The following SLC24A3 variants were observed in gnomAD, a reference collection of about 807,000 sequenced individuals.
The protein encoded by SLC24A3 is sodium/potassium/calcium exchanger 3.
SLC24A3 carries 28 observed loss-of-function variants against 75.8 expected under a neutral mutation model. That is an observed-to-expected ratio of 0.37 (90% CI 0.27 to 0.51). The LOEUF is 0.51. SLC24A3 is among the 20% of genes least tolerant of loss of function. The pLI, the probability that SLC24A3 is intolerant of heterozygous loss-of-function variation, is 0.94. For synonymous variants in SLC24A3, 372 were observed against 334.1 expected (o/e 1.11, Z -1.24); for missense variants, 663 against 847.8 (o/e 0.78, Z 2.71).
intron 2 of SLC24A3, among the ~76,000 whole-genome samples, chr20:19,314,146 G>A (rs1984524443): frequency 6.6e-6 from 1 of 152,096 alleles, no homozygotes; most frequent in African/African-American, 2.4e-5. Flanking sequence ...AACTTTGTCT[G>A]TGGTTTTGCT....
intron 1 of SLC24A3, among the ~76,000 whole-genome samples, chr20:19,254,352 G>C (rs890155601): frequency 6.6e-6 from 1 of 152,132 alleles, no homozygotes; most frequent in Non-Finnish European, 1.5e-5. Context: ...CTGTGGGGAC[G>C]CGGCCTCCCC....
chr20:19,309,040 G>A (rs1287368851), intron 2 of SLC24A3, among the ~76,000 whole-genome samples: 2 of 152,164 alleles, frequency 1.3e-5, no homozygotes, highest in Non-Finnish European at 2.9e-5. Flanking sequence ...GAGGACATAT[G>A]TTATTTTACC....
intron 1 of SLC24A3, among the ~76,000 whole-genome samples, chr20:19,248,896 G>A (rs1982571731): frequency 6.6e-6 from 1 of 150,544 alleles, no homozygotes; most frequent in African/African-American, 2.5e-5. Flanking sequence ...GGCACAGAAA[G>A]ACAAATACCG....
At chr20:19,283,206 A>G (rs974681771) in intron 2 of SLC24A3, 1 of 152,656 alleles carries the variant, frequency 6.6e-6, no homozygotes, top group African/African-American at 2.4e-5. Flanking sequence ...CACAAGGAAG[A>G]TGATCATGCC....
In SLC24A3 at chr20:19,576,943, G is replaced by A. The variant is rs112257728; in HGVS notation, c.349-3057G>A. Among the ~76,000 whole-genome samples the A allele has an allele frequency of 8.3e-4, 126 of 152,260 alleles. 1 individual carries two copies. The highest frequency in any genetic ancestry group is 2.8e-3 in the African/African-American group (118 of 41,550). On this transcript the variant is annotated intron_variant, in intron 3 of 16. Coordinates refer to ENST00000328041, the MANE Select transcript of SLC24A3 (RefSeq NM_020689.4). ...TAATCCTAAAACCTGCATATCATTGGATCAGCCAAGTCATACAGCAAAAGA... is the reference window on the plus strand; with the variant it reads ...TAATCCTAAAACCTGCATATCATTGAATCAGCCAAGTCATACAGCAAAAGA...
At chr20:19,239,630 C>T (rs1982275204) in intron 1 of SLC24A3, among the ~76,000 whole-genome samples, 1 of 152,208 alleles carries the variant, frequency 6.6e-6, no homozygotes, top group African/African-American at 2.4e-5. Flanking sequence ...CTTGGACACG[C>T]ATCAATTGCA....
chr20:19,546,158 C>CGAAAAAAA (rs2030587740), intron 3 of SLC24A3, among the ~76,000 whole-genome samples: 1 of 46,740 alleles, frequency 2.1e-5, no homozygotes, highest in Non-Finnish European at 3.5e-5. Context: ...GACTCCGTCT[C>CGAAAAAAA]AAAAAAAAAA....
intron 15 of SLC24A3, among the ~76,000 whole-genome samples, chr20:19,714,603 A>T (rs1172342898): frequency 6.6e-6 from 1 of 152,122 alleles, no homozygotes; most frequent in Non-Finnish European, 1.5e-5. Context: ...TTGAGAGCCC[A>T]GGTCTCTAAC....
chr20:19,675,941 G>A (rs529235628), intron 9 of SLC24A3, among the ~76,000 whole-genome samples: 10 of 152,210 alleles, frequency 6.6e-5, no homozygotes, highest in Admixed American at 2.6e-4. Context: ...CTAGTGCATC[G>A]TTTCAATTTT....
intron 2 of SLC24A3, among the ~76,000 whole-genome samples, chr20:19,511,358 C>G (rs185713800): frequency 3.4e-5 from 5 of 146,728 alleles, no homozygotes; most frequent in Non-Finnish European, 6.0e-5. Context: ...GATGGAGTCT[C>G]GCTCTGTCAC....
At chr20:19,446,189 T>C (rs1987380692) in intron 2 of SLC24A3, among the ~76,000 whole-genome samples, 1 of 152,196 alleles carries the variant, frequency 6.6e-6, no homozygotes, top group Admixed American at 6.5e-5. Flanking sequence ...AGAAAGCTTA[T>C]TTTGAGTCAA....
intron 1 of SLC24A3, among the ~76,000 whole-genome samples, chr20:19,214,840 C>T (rs1362893843): frequency 2.0e-5 from 3 of 152,154 alleles, no homozygotes; most frequent in Non-Finnish European, 1.5e-5. Flanking sequence ...CTTTCTCCTT[C>T]CTACCTTTCA....
chr20:19,346,928 T>C (rs899434409), intron 2 of SLC24A3, among the ~76,000 whole-genome samples: 5 of 152,044 alleles, frequency 3.3e-5, no homozygotes, highest in Non-Finnish European at 7.4e-5. Context: ...ACAAATAGGC[T>C]AATAGAACAG....
intron 1 of SLC24A3, among the ~76,000 whole-genome samples, chr20:19,241,625 A>G (rs564150247): frequency 6.6e-6 from 1 of 152,374 alleles, no homozygotes; most frequent in African/African-American, 2.4e-5. Context: ...TCCCAAAGCC[A>G]GCATTGACAA....
At chr20:19,564,692 A>G (rs2030928094) in intron 3 of SLC24A3, among the ~76,000 whole-genome samples, 1 of 152,146 alleles carries the variant, frequency 6.6e-6, no homozygotes, top group Admixed American at 6.6e-5. Context: ...TACACAATCT[A>G]CATACTAGCA....
At chr20:19,260,121 ATTT>A (rs1982936116) in intron 1 of SLC24A3, among the ~76,000 whole-genome samples, 1 of 151,952 alleles carries the variant, frequency 6.6e-6, no homozygotes, top group African/African-American at 2.4e-5. Flanking sequence ...CATCATTGTT[ATTT>A]TTTCTTTTTC....
chr20:19,649,861 C>T (rs769722433), intron 6 of SLC24A3, among the ~76,000 whole-genome samples: 7 of 152,200 alleles, frequency 4.6e-5, no homozygotes, highest in Non-Finnish European at 7.3e-5. Context: ...TGGCTTAGTA[C>T]TCAACTTCAT....
chr20:19,346,230 G>T (rs201837505), intron 2 of SLC24A3, among the ~76,000 whole-genome samples: 1 of 68,032 alleles, frequency 1.5e-5, no homozygotes, highest in South Asian at 4.3e-4. Context: ...ATGTATATAT[G>T]GTATATATAT....
intron 5 of SLC24A3, 95 bp from the exon 6 acceptor site, chr20:19,585,346 T>C: frequency 8.3e-7 from 1 of 1,206,416 alleles, no homozygotes; most frequent in African/African-American, 1.5e-5. Flanking sequence ...CTGTAGATTC[T>C]GAGAACAATC....
Sources: allele counts gnomAD v4.1 joint callset (sites outside exome capture counted in the v4.1 genomes callset), GRCh38; gene constraint gnomAD v4.1.1; transcripts MANE v1.5; gene names NCBI Gene and HGNC (gene_info 2026-07-23, HGNC 2026-07-21).